CCDC191: variants seen among roughly 807,000 people sequenced by gnomAD.
CCDC191 encodes the protein coiled-coil domain containing 191.
Under a neutral mutation model 114.0 loss-of-function variants are expected in CCDC191, and 99 were observed. The ratio of observed to expected loss-of-function variants is 0.87; its 90% CI spans 0.74 to 1.03. The LOEUF (loss-of-function observed/expected upper bound fraction) is 1.03, where lower values mean the gene tolerates loss of function less well. Among genes scored for constraint, CCDC191 ranks in the 50% least tolerant of loss-of-function variants. CCDC191 has a pLI of 0.00. For synonymous variants in CCDC191, 351 were observed against 376.0 expected (o/e 0.93, Z 0.77); for missense variants, 973 against 1,087.0 (o/e 0.90, Z 1.47).
intron 13 of CCDC191, among the ~76,000 whole-genome samples, chr3:113,991,509 GAAA>G (rs2075565485): frequency 6.6e-6 from 1 of 152,084 alleles, no homozygotes; most frequent in African/African-American, 2.4e-5. Context: ...AGGAATAAAT[GAAA>G]ATTCCCTTCA....
At chr3:114,024,324 A>G (rs549244576) in intron 7 of CCDC191, among the ~76,000 whole-genome samples, 1 of 152,342 alleles carries the variant, frequency 6.6e-6, no homozygotes, top group East Asian at 1.9e-4. Flanking sequence ...TAGAAATACC[A>G]TTTGACCCAG....
chr3:114,003,383 G>C (rs1020986278), intron 11 of CCDC191: 1 of 985,112 alleles, frequency 1.0e-6, no homozygotes, highest in Non-Finnish European at 1.2e-6. Context: ...AACTCACCAG[G>C]CTATTTCTTA....
At chr3:113,969,556 C>A (rs1940588549) in intron 16 of CCDC191, among the ~76,000 whole-genome samples, 1 of 152,190 alleles carries the variant, frequency 6.6e-6, no homozygotes, top group Non-Finnish European at 1.5e-5. Context: ...TCATTTCATT[C>A]TTCTGCATAT....
At chr3:114,027,227 T>C (rs2076332883) in intron 7 of CCDC191, among the ~76,000 whole-genome samples, 1 of 151,898 alleles carries the variant, frequency 6.6e-6, no homozygotes, top group African/African-American at 2.4e-5. Flanking sequence ...TGAACTTGAG[T>C]TTTGATAAGA....
intron 4 of CCDC191, among the ~76,000 whole-genome samples, chr3:114,038,590 A>C (rs529577987): frequency 6.6e-5 from 10 of 152,308 alleles, no homozygotes; most frequent in African/African-American, 2.2e-4. Context: ...ATACACCTGC[A>C]TGTATCTTTA....
At chr3:114,030,040 T>C (rs1223082370) in intron 7 of CCDC191, among the ~76,000 whole-genome samples, 1 of 152,186 alleles carries the variant, frequency 6.6e-6, no homozygotes, top group Non-Finnish European at 1.5e-5. Flanking sequence ...TGGTATTTAA[T>C]GGCAGTGTAC....
intron 13 of CCDC191, among the ~76,000 whole-genome samples, chr3:113,997,345 G>C (rs1270177593): frequency 1.3e-5 from 2 of 152,176 alleles, no homozygotes; most frequent in Non-Finnish European, 2.9e-5. Context: ...CAGATGGATA[G>C]ATTCAGAATG....
chr3:113,998,188 C>T (rs1347585527), intron 13 of CCDC191, among the ~76,000 whole-genome samples: 2 of 151,458 alleles, frequency 1.3e-5, no homozygotes, highest in African/African-American at 4.9e-5. Flanking sequence ...TGACTGTAAT[C>T]CCAGCTACTC....
intron 6 of CCDC191, among the ~76,000 whole-genome samples, chr3:114,032,556 G>A (rs2076421952): frequency 6.6e-6 from 1 of 152,172 alleles, no homozygotes; most frequent in Non-Finnish European, 1.5e-5. Flanking sequence ...CAGAACTCAT[G>A]AGCTCTGGCC....
At chr3:114,032,599 C>T (rs1281392821) in intron 6 of CCDC191, among the ~76,000 whole-genome samples, 1 of 152,196 alleles carries the variant, frequency 6.6e-6, no homozygotes, top group East Asian at 1.9e-4. Context: ...CTTTCTTGAA[C>T]TTTTAGTTCA....
chr3:114,046,538 T>C, intron 3 of CCDC191, 53 bp downstream of exon 3: 1 of 1,097,414 alleles, frequency 9.1e-7, no homozygotes, highest in Non-Finnish European at 1.4e-6. Context: ...AAATGCATCA[T>C]GGGTTATGCT....
intron 5 of CCDC191, 121 bp from the exon 6 acceptor site, chr3:114,035,269 C>A: frequency 3.0e-6 from 2 of 671,450 alleles, no homozygotes; most frequent in Non-Finnish European, 5.1e-6. Context: ...GCCCAGAACT[C>A]CACTGTTTAT....
In CCDC191 at chr3:113,975,702, A is replaced by C. The variant is rs76378264; in HGVS notation, c.2606+2484T>G. Among the ~76,000 whole-genome samples, 40 of 152,350 alleles carry C rather than the reference A, an allele frequency of 2.6e-4. No individual in the cohort carries two copies. The East Asian group carries it at 7.7e-3, about 29-fold the overall frequency. On this transcript the variant is annotated intron_variant, in intron 16 of 16. Coordinates refer to ENST00000295878, the MANE Select transcript of CCDC191 (RefSeq NM_020817.2). ...AGGGTGGTTAGGGAGGTGACATTTA[A>C]GCAGAGAGCTAAATGATGAGATCAG...
rs1559903359 is a variant in CCDC191, at chr3:114,006,619, A to ATATAT, written c.1414-658_1414-657insATATA. Among the ~76,000 whole-genome samples the ATATAT allele has an allele frequency of 1.1e-3, 99 of 92,484 alleles. 2 individuals carry two copies. Among genetic ancestry groups the ATATAT allele is most frequent in the African/African-American group, 3.6e-3 (86 of 23,898 alleles). The allele number at this position is 92,484 out of a possible 152,430, so 60.7% of individuals were successfully genotyped here. ...ATATATATATATATATATATATATA[A>ATATAT]ATATATATATTTTATATATAAAAAA... On this transcript the variant is annotated intron_variant, in intron 9 of 16. Transcript: ENST00000295878.
At chr3:114,041,201 C>A (rs1193239252) in intron 4 of CCDC191, among the ~76,000 whole-genome samples, 1 of 151,846 alleles carries the variant, frequency 6.6e-6, no homozygotes, top group Non-Finnish European at 1.5e-5. Flanking sequence ...ACTGAAGTAC[C>A]ACACTTTAAT....
At chr3:114,042,540 A>G (rs560851787) in intron 4 of CCDC191, among the ~76,000 whole-genome samples, 163 bp downstream of exon 4, 2 of 152,236 alleles carry the variant, frequency 1.3e-5, no homozygotes, top group Non-Finnish European at 2.9e-5. Flanking sequence ...AAGATATAGC[A>G]TAAGAAATTT....
chr3:113,990,717 T>C (rs2075527142), intron 13 of CCDC191, among the ~76,000 whole-genome samples: 1 of 151,398 alleles, frequency 6.6e-6, no homozygotes, highest in Non-Finnish European at 1.5e-5. Flanking sequence ...TTACATACTC[T>C]CTTTCAAAAA....
At chr3:114,041,722 A>G (rs767593300) in intron 4 of CCDC191, among the ~76,000 whole-genome samples, 1 of 152,178 alleles carries the variant, frequency 6.6e-6, no homozygotes, top group African/African-American at 2.4e-5. Context: ...GAATGATGTC[A>G]GGTGAATTCA....
intron 11 of CCDC191, chr3:114,004,312 CAG>C (rs755129705): frequency 2.0e-6 from 2 of 1,001,262 alleles, no homozygotes; most frequent in African/African-American, 1.7e-5. Flanking sequence ...GGCAGTTACT[CAG>C]AGTTTTCTCA....
Sources: allele counts gnomAD v4.1 joint callset (sites outside exome capture counted in the v4.1 genomes callset), GRCh38; gene constraint gnomAD v4.1.1; transcripts MANE v1.5; gene names NCBI Gene and HGNC (gene_info 2026-07-23, HGNC 2026-07-21).